MIA2: variants seen among roughly 807,000 people sequenced by gnomAD.
MIA2 encodes MIA SH3 domain ER export factor 2.
MIA2 carries 127 observed loss-of-function variants against 167.8 expected under a neutral mutation model. The observed-to-expected ratio is 0.76, with a 90% CI of 0.66 to 0.88. The LOEUF (loss-of-function observed/expected upper bound fraction) is 0.88. Ranked by LOEUF, MIA2 falls within the 40% of genes least tolerant of loss-of-function variation. The pLI is 0.00. For missense variants in MIA2, 1,690 were observed against 1,624.7 expected, an observed-to-expected ratio of 1.04 and a Z score of -0.69; for synonymous variants, 552 against 541.9, an observed-to-expected ratio of 1.02 and a Z score of -0.26.
chr14:39,282,014 C>T (rs2059022564), intron 9 of MIA2, among the ~76,000 whole-genome samples: 1 of 152,138 alleles, frequency 6.6e-6, no homozygotes, highest in South Asian at 2.1e-4. Context: ...ATTTTAATGA[C>T]TACTGCATTA....
At chr14:39,288,475 A>ATTTTTTTTTTTTTTTTTTTTTTTTTT (rs1247369150) in intron 9 of MIA2, among the ~76,000 whole-genome samples, 1 of 50,516 alleles carries the variant, frequency 2.0e-5, no homozygotes, top group Admixed American at 3.9e-4. Context: ...ATATATATAT[A>ATTTTTTTTTTTTTTTTTTTTTTTTTT]TTTTTTTTTT....
At chr14:39,354,070 G>T (rs1352758951), downstream of MIA2, among the ~76,000 whole-genome samples, 2 of 152,170 alleles carry the variant, frequency 1.3e-5, no homozygotes, top group Non-Finnish European at 2.9e-5. Flanking sequence ...AATCCTTTGG[G>T]TATATACCCA....
chr14:39,287,829 G>A (rs983156837), intron 9 of MIA2, among the ~76,000 whole-genome samples: 4 of 152,054 alleles, frequency 2.6e-5, no homozygotes, highest in African/African-American at 9.7e-5. Flanking sequence ...CCAAAGTGCT[G>A]GGATTACAGG....
At chr14:39,246,704 A>C (rs1050617849) in intron 3 of MIA2, among the ~76,000 whole-genome samples, 1 of 152,194 alleles carries the variant, frequency 6.6e-6, no homozygotes, top group Admixed American at 6.5e-5. Flanking sequence ...ACAAAGAAAC[A>C]AAAAACCATA....
At chr14:39,299,392 C>G (rs551580629) in intron 13 of MIA2, among the ~76,000 whole-genome samples, 7 of 138,356 alleles carry the variant, frequency 5.1e-5, no homozygotes, top group Non-Finnish European at 9.2e-5. Context: ...ACTGCAACCT[C>G]TGCCTCCTGG....
At chr14:39,379,479 C>G (rs1051071278) in intron 23 of MIA2, among the ~76,000 whole-genome samples, 1 of 152,080 alleles carries the variant, frequency 6.6e-6, no homozygotes, top group African/African-American at 2.4e-5. Context: ...GCAAACTCCC[C>G]TCTCCCGTCG....
At chr14:39,269,672 C>T (rs1354616869) in intron 6 of MIA2, among the ~76,000 whole-genome samples, 1 of 152,016 alleles carries the variant, frequency 6.6e-6, no homozygotes. Flanking sequence ...GCACATGCCA[C>T]CAGGCCTGGC....
chr14:39,348,093 G>T (rs1447392518), intron 27 of MIA2, among the ~76,000 whole-genome samples: 1 of 152,154 alleles, frequency 6.6e-6, no homozygotes, highest in Admixed American at 6.5e-5. Context: ...TATTACAGGT[G>T]TGAGCTGCTG....
intron 6 of MIA2, chr14:39,266,602 G>A: frequency 2.0e-6 from 2 of 985,528 alleles, no homozygotes; most frequent in Non-Finnish European, 2.4e-6. Flanking sequence ...GCTGAGCCGG[G>A]ACGCCTTCCT....
chr14:39,303,439 T>C (rs2062839769), intron 15 of MIA2, 39 bp from the exon 16 acceptor site: 2 of 1,520,034 alleles, frequency 1.3e-6, no homozygotes, highest in Non-Finnish European at 1.8e-6. Flanking sequence ...ATTGTACTAT[T>C]TTCCCAAATC....
At chr14:39,325,452 C>T (rs1389073821) in intron 24 of MIA2, among the ~76,000 whole-genome samples, 1 of 149,390 alleles carries the variant, frequency 6.7e-6, no homozygotes, top group African/African-American at 2.5e-5. Context: ...ACTGCAACCT[C>T]CTCCTCCTGA....
At chr14:39,328,514 G>T (rs1452635998) in intron 25 of MIA2, among the ~76,000 whole-genome samples, 1 of 152,156 alleles carries the variant, frequency 6.6e-6, no homozygotes, top group African/African-American at 2.4e-5. Flanking sequence ...CATTGCTTTT[G>T]TTGTTTTAGT....
intron 17 of MIA2, among the ~76,000 whole-genome samples, chr14:39,306,153 G>A (rs188954570): frequency 9.2e-5 from 14 of 151,692 alleles, no homozygotes; most frequent in African/African-American, 1.5e-4. Flanking sequence ...AGATAGTTAC[G>A]TACAATTTCC....
chr14:39,297,708 TGAAAGA>T (rs890858136), intron 13 of MIA2, among the ~76,000 whole-genome samples: 15 of 151,874 alleles, frequency 9.9e-5, no homozygotes, highest in Admixed American at 8.5e-4. Context: ...TTTGTGTGTG[TGAAAGA>T]GACAGAGATA....
intron 2 of MIA2, among the ~76,000 whole-genome samples, chr14:39,238,452 C>T (rs886370289): frequency 3.3e-5 from 5 of 152,000 alleles, no homozygotes; most frequent in African/African-American, 9.7e-5. Flanking sequence ...GGATTACAGG[C>T]GTGAGCCACT....
At chr14:39,240,368 T>A (rs1347654694) in intron 2 of MIA2, among the ~76,000 whole-genome samples, 193 bp from the exon 3 acceptor site, 6 of 152,210 alleles carry the variant, frequency 3.9e-5, no homozygotes, top group African/African-American at 1.4e-4. Context: ...GGCTCTTTGT[T>A]CCTTAAATAA....
At position 39,358,440 on chromosome 14, in the gene MIA2, A is replaced by G. The variant is rs143021967; in HGVS notation, c.2248+9463A>G. Among the ~76,000 whole-genome samples, 138 of 152,212 alleles carry G rather than the reference A, an allele frequency of 9.1e-4. 3 individuals are homozygous for G. The South Asian group carries it at 0.01, about 11-fold the overall frequency. On this transcript the variant is annotated intron_variant, in intron 23 of 23. Transcript: ENST00000341502. ...GGGATTTCTCTGCATTGGTTATTCT[A>G]GTTCGCCATTTGTCTAATCTTTTTT...
chr14:39,279,901 C>T (rs1020754135), intron 9 of MIA2, among the ~76,000 whole-genome samples: 1 of 152,232 alleles, frequency 6.6e-6, no homozygotes, highest in East Asian at 1.9e-4. Flanking sequence ...TTATTTTGAC[C>T]ACCTCCAAAG....
At chr14:39,254,239 T>G (rs769783500) in intron 6 of MIA2, among the ~76,000 whole-genome samples, 2 of 152,130 alleles carry the variant, frequency 1.3e-5, no homozygotes, top group Non-Finnish European at 1.5e-5. Context: ...AGAGCACTTT[T>G]AAAGTAGTGA....
Sources: gnomAD v4.1 joint callset for allele counts (sites outside exome capture counted in the v4.1 genomes callset) on GRCh38, gnomAD v4.1.1 for gene constraint, MANE v1.5 for transcripts, NCBI Gene and HGNC (gene_info 2026-07-23, HGNC 2026-07-21) for gene names.